BCAS1: variants seen among roughly 807,000 people sequenced by gnomAD.
BCAS1 encodes the protein brain enriched myelin associated protein 1, also known as breast carcinoma-amplified sequence 1.
In BCAS1, 46 loss-of-function variants were observed where a neutral mutation model predicts 65.4. The observed-to-expected ratio is 0.70, with a 90% CI of 0.55 to 0.90. The LOEUF is 0.90. Ranked by LOEUF, BCAS1 falls within the 40% of genes least tolerant of loss-of-function variation. The pLI is 0.00. For missense variants in BCAS1, 793 were observed against 771.2 expected (o/e 1.03, Z -0.33); for synonymous variants, 298 against 293.5 (o/e 1.02, Z -0.16).
chr20:53,960,491 AAAAAAGAG>A (rs1568813508), intron 10 of BCAS1, among the ~76,000 whole-genome samples: 3 of 131,052 alleles, frequency 2.3e-5, no homozygotes, highest in Non-Finnish European at 3.2e-5. Context: ...AAAAAAAAAA[AAAAAAGAG>A]AGAGAGAGTA....
chr20:53,998,345 T>C (rs1227889405), intron 4 of BCAS1, among the ~76,000 whole-genome samples: 2 of 152,236 alleles, frequency 1.3e-5, no homozygotes, highest in African/African-American at 4.8e-5. Context: ...AGAGGTTTCA[T>C]TGGCTCACAG....
intron 3 of BCAS1, among the ~76,000 whole-genome samples, chr20:54,040,273 A>G (rs533598641): frequency 1.3e-5 from 2 of 151,490 alleles, no homozygotes; most frequent in East Asian, 3.9e-4. Flanking sequence ...AAGGCTCTAC[A>G]GATTCACATT....
chr20:54,038,095 C>T (rs1415092500), intron 3 of BCAS1, among the ~76,000 whole-genome samples: 1 of 151,350 alleles, frequency 6.6e-6, no homozygotes, highest in Admixed American at 6.6e-5. Context: ...AGAACTTCAG[C>T]TCGTACTATG....
chr20:54,014,444 T>C (rs2091389088), intron 4 of BCAS1, among the ~76,000 whole-genome samples: 2 of 152,250 alleles, frequency 1.3e-5, no homozygotes, highest in African/African-American at 4.8e-5. Context: ...TCTGGCACTT[T>C]CTTTCAACTA....
chr20:53,997,033 C>T (rs528915850), intron 4 of BCAS1, among the ~76,000 whole-genome samples: 1 of 152,334 alleles, frequency 6.6e-6, no homozygotes, highest in African/African-American at 2.4e-5. Flanking sequence ...TCCTTAAGGT[C>T]ATAAGTGTCA....
chr20:54,021,097 T>A (rs1036210398), intron 4 of BCAS1, among the ~76,000 whole-genome samples: 1 of 152,222 alleles, frequency 6.6e-6, no homozygotes, highest in African/African-American at 2.4e-5. Flanking sequence ...GCATGTCCTC[T>A]TTGCTGGAAG....
At position 54,015,613 on chromosome 20, in the gene BCAS1, T is replaced by C. The variant is rs190044253; in HGVS notation, c.723+12779A>G. Among the ~76,000 whole-genome samples the C allele has an allele frequency of 1.9e-4, 29 of 152,360 alleles. No individual in the cohort carries two copies. The Middle Eastern group carries it at 0.01, about 54-fold the overall frequency. ...GCCCACTTAGGACAACATTTCTCTT[T>C]GTGATCTCCTGCTGGAGATGATTAC... is the stretch of plus-strand genomic sequence containing the variant. On this transcript the variant is annotated intron_variant, in intron 4 of 12. Coordinates refer to ENST00000688948, the MANE Select transcript of BCAS1 (RefSeq NM_001366298.2).
At position 54,004,190 on chromosome 20, in the gene BCAS1, A is replaced by G. The variant is rs536714510; in HGVS notation, c.724-8140T>C. Among the ~76,000 whole-genome samples the G allele has an allele frequency of 2.0e-4, 31 of 152,314 alleles. 2 individuals carry two copies. Among genetic ancestry groups the G allele is most frequent in the Admixed American group, 1.8e-3 (27 of 15,298 alleles). On this transcript the variant is annotated intron_variant, in intron 4 of 12. Transcript: ENST00000688948. Reference sequence around the variant, plus strand: ...CCCCATGAATAGGATTAGTGCTCTTATAAAAGAGACCCCAGCGAGCGTTCT... The same window carrying G: ...CCCCATGAATAGGATTAGTGCTCTTGTAAAAGAGACCCCAGCGAGCGTTCT...
intron 1 of BCAS1, among the ~76,000 whole-genome samples, chr20:54,058,961 C>T (rs1025600731): frequency 2.0e-5 from 3 of 152,002 alleles, no homozygotes; most frequent in Non-Finnish European, 4.4e-5. Context: ...CTGGGGAGAC[C>T]GCAGGAAACT....
intron 9 of BCAS1, among the ~76,000 whole-genome samples, chr20:53,967,727 C>T (rs2090072391): frequency 6.6e-6 from 1 of 152,224 alleles, no homozygotes; most frequent in African/African-American, 2.4e-5. Flanking sequence ...CTAGTGAGCT[C>T]GATTTCCTCT....
At chr20:53,975,166 C>T (rs1024882107) in intron 9 of BCAS1, among the ~76,000 whole-genome samples, 1 of 152,192 alleles carries the variant, frequency 6.6e-6, no homozygotes, top group Non-Finnish European at 1.5e-5. Context: ...AATTTGTGCC[C>T]TGATTTTGCA....
chr20:54,060,630 G>T (rs2092365720), intron 1 of BCAS1, among the ~76,000 whole-genome samples: 1 of 152,170 alleles, frequency 6.6e-6, no homozygotes, highest in Admixed American at 6.5e-5. Context: ...TCGAATAAAA[G>T]TAATTAATAA....
intron 8 of BCAS1, among the ~76,000 whole-genome samples, chr20:53,980,937 G>A (rs2090461147): frequency 6.6e-6 from 1 of 152,162 alleles, no homozygotes; most frequent in Admixed American, 6.5e-5. Flanking sequence ...TTGAGGTCCA[G>A]CCTCATTAAC....
Position 53,987,893 on chromosome 20 carries a change from C to T in BCAS1, c.1063-2394G>A, listed in dbSNP as rs898399857. On this transcript the variant is annotated intron_variant, in intron 7 of 12. Transcript: ENST00000688948. ...AGGGAACAACTGCCCTAAGGTCCTTCGGCAAGTATCGGAGCAAAGAGTGGC... is the reference window on the plus strand; with the variant it reads ...AGGGAACAACTGCCCTAAGGTCCTTTGGCAAGTATCGGAGCAAAGAGTGGC... 2.6e-5 allele frequency among the ~76,000 whole-genome samples: 4 copies of T among 152,254 alleles called. No homozygotes were observed. In the East Asian group the frequency reaches 5.8e-4, roughly 22 times the overall value.
chr20:54,065,016 C>T (rs12625278), intron 1 of BCAS1, among the ~76,000 whole-genome samples: 21,129 of 152,054 alleles, frequency 0.14, 1,945 homozygotes, highest in East Asian at 0.32. Context: ...CCTGGCAGGG[C>T]GAGCACCTAG....
intron 1 of BCAS1, among the ~76,000 whole-genome samples, chr20:54,069,808 G>A (rs2092492813): frequency 6.6e-6 from 1 of 152,230 alleles, no homozygotes; most frequent in Admixed American, 6.5e-5. Flanking sequence ...TGGAGCTGGG[G>A]CTGGCATCTG....
intron 10 of BCAS1, among the ~76,000 whole-genome samples, chr20:53,961,233 G>C (rs1361229574): frequency 2.6e-5 from 4 of 152,134 alleles, no homozygotes; most frequent in African/African-American, 9.7e-5. Context: ...TTCTTTGAAG[G>C]GAATGTTAAT....
intron 3 of BCAS1, among the ~76,000 whole-genome samples, chr20:54,030,564 T>C (rs2091776981): frequency 7.1e-6 from 1 of 141,122 alleles, no homozygotes; most frequent in African/African-American, 2.5e-5. Flanking sequence ...CTTTGATCTA[T>C]TCATACTGCT....
At chr20:54,068,702 C>T (rs290448) in intron 1 of BCAS1, among the ~76,000 whole-genome samples, 75,842 of 151,936 alleles carry the variant, frequency 0.5, 20,607 homozygotes, top group East Asian at 0.6. Flanking sequence ...CAGAAAGCTA[C>T]GGGGAGGCAC....
Sources: allele counts gnomAD v4.1 joint callset (sites outside exome capture counted in the v4.1 genomes callset), GRCh38; gene constraint gnomAD v4.1.1; transcripts MANE v1.5; gene names NCBI Gene and HGNC (gene_info 2026-07-23, HGNC 2026-07-21).